The following ADNP variants were observed in gnomAD, a reference collection of about 807,000 sequenced individuals.
ADNP encodes activity-dependent neuroprotector homeobox protein.
Under a neutral mutation model 84.9 loss-of-function variants are expected in ADNP, and 4 were observed. That is an observed-to-expected ratio of 0.05 (90% CI 0.02 to 0.11). The LOEUF is 0.11. Among genes scored for constraint, ADNP ranks in the 10% least tolerant of loss-of-function variants. The probability of loss-of-function intolerance (pLI) is 1.00; values close to 1 mark genes in which losing one functional copy is unlikely to be tolerated. For synonymous variants in ADNP, 554 were observed against 468.1 expected, an observed-to-expected ratio of 1.18 and a Z score of -2.37; for missense variants, 1,132 against 1,326.0, an observed-to-expected ratio of 0.85 and a Z score of 2.27.
intron 2 of ADNP, chr20:50,905,203 G>C (rs1049867114): frequency 1.3e-5 from 2 of 152,172 alleles, no homozygotes; most frequent in Admixed American, 6.5e-5. Context: ...CTGAGAATAT[G>C]TATGGTTTCT....
chr20:50,919,638 A>C (rs1393643835), intron 2 of ADNP, among the ~76,000 whole-genome samples: 3 of 151,790 alleles, frequency 2.0e-5, no homozygotes, highest in South Asian at 2.1e-4. Flanking sequence ...AAATCCTAGG[A>C]GGCTTCATGT....
In ADNP at chr20:50,889,656, CA is replaced by C. The variant is rs1980449434; in HGVS notation, c.*1748del. ...TCAGCCACTTCAGACTTCTTTAGGC[CA>C]CTATCCTTGAGGTGACTGACCAGCC... is the stretch of plus-strand genomic sequence containing the variant. On this transcript the variant is annotated 3_prime_UTR_variant, in exon 6 of 6. Transcript: ENST00000621696. 1 of 384,010 alleles carries C rather than the reference CA, an allele frequency of 2.6e-6. No individual in the cohort carries two copies. Among genetic ancestry groups the C allele is most frequent in the Non-Finnish European group, 4.6e-6 (1 of 217,480 alleles). The allele number at this position is 384,010 out of a possible 1,614,324, so 23.8% of individuals were successfully genotyped here.
At chr20:50,914,116 A>G (rs1475915259) in intron 2 of ADNP, 2 of 763,790 alleles carry the variant, frequency 2.6e-6, no homozygotes, top group Non-Finnish European at 4.7e-6. Flanking sequence ...AGGTGGGGCT[A>G]ATCCAGATGG....
At chr20:50,924,621 T>C (rs1045905479) in intron 2 of ADNP, among the ~76,000 whole-genome samples, 35 of 151,996 alleles carry the variant, frequency 2.3e-4, no homozygotes, top group Admixed American at 6.5e-4. Context: ...GCTTGGAAAA[T>C]AAAACAGACA....
In ADNP at chr20:50,890,835, C is replaced by T; in HGVS notation, c.*570G>A. On this transcript the variant is annotated 3_prime_UTR_variant, in exon 6 of 6. Transcript: ENST00000621696. ...CAGTTTTGAGCTTTTGCTAGGTAAA[C>T]TAGATAGAGCGTTTATTACACAGCA... 1 of 850,228 alleles carries T rather than the reference C, an allele frequency of 1.2e-6. No individual in the cohort carries two copies. Among genetic ancestry groups the T allele is most frequent in the South Asian group, 5.4e-5 (1 of 18,534 alleles). 52.7% of individuals were successfully genotyped at this position (850,228 alleles called of 1,614,324 possible).
intron 2 of ADNP, among the ~76,000 whole-genome samples, chr20:50,917,611 G>A (rs1261541770): frequency 3.9e-5 from 6 of 152,142 alleles, no homozygotes; most frequent in Admixed American, 1.3e-4. Context: ...GAAACTAGAC[G>A]CTTCCTTTTT....
In ADNP at chr20:50,892,494, G is replaced by A; in HGVS notation, c.2220C>T (p.Ser740=). The change falls in exon 6 of 6, where the codon AGC becomes AGT. Residue 740 remains serine (S), a synonymous_variant. Coordinates refer to ENST00000621696, the MANE Select transcript of ADNP (RefSeq NM_001282531.3). ...GCTCTTCAGGCTTCTCTTCAAAGAAGCTGGGTGAATCACTATCATCATCTA... is the reference window on the plus strand; with the variant it reads ...GCTCTTCAGGCTTCTCTTCAAAGAAACTGGGTGAATCACTATCATCATCTA... ...RKLDDDSDSP[S]FFEEKPEEPV... is the part of the protein sequence containing the mutation. 1 of 1,614,214 alleles carries A rather than the reference G, an allele frequency of 6.2e-7. No individual in the cohort carries two copies. The highest frequency in any genetic ancestry group is 8.5e-7 in the Non-Finnish European group (1 of 1,180,048).
At position 50,891,356 on chromosome 20, in the gene ADNP, A is replaced by T. The variant is rs768409843; in HGVS notation, c.*49T>A. The stretch of plus-strand genomic sequence containing the variant: ...AGACAGCTTTGCAGTCACACTGGAT[A>T]TCAGAGTTCCAGGCTGCAGCATGTC... On this transcript the variant is annotated 3_prime_UTR_variant, in exon 6 of 6. Coordinates refer to ENST00000621696, the MANE Select transcript of ADNP (RefSeq NM_001282531.3). 6.6e-7 allele frequency: 1 copy of T among 1,524,546 alleles called. No individual in the cohort carries two copies. Among genetic ancestry groups the T allele is most frequent in the Middle Eastern group, 1.8e-4 (1 of 5,524 alleles). The allele number at this position is 1,524,546 out of a possible 1,614,324, so 94.4% of individuals were successfully genotyped here. A position where few individuals can be genotyped will look rare whatever the true frequency, so the allele number is the denominator to read the frequency against.
chr20:50,917,411 CTAGA>C (rs774249251), intron 2 of ADNP, among the ~76,000 whole-genome samples: 8 of 152,296 alleles, frequency 5.3e-5, no homozygotes, highest in Non-Finnish European at 1.2e-4. Context: ...CCAAGAGTCA[CTAGA>C]TAGTCACATT....
intron 2 of ADNP, among the ~76,000 whole-genome samples, chr20:50,907,008 C>T (rs1301315605): frequency 5.5e-5 from 8 of 144,518 alleles, no homozygotes; most frequent in Non-Finnish European, 4.5e-5. Context: ...CGCTCTGTCA[C>T]CCAGGCTGGA....
Position 50,889,825 on chromosome 20 carries a change from A to G in ADNP, c.*1580T>C, listed in dbSNP as rs183200081. 39 of 398,480 alleles carry G rather than the reference A, an allele frequency of 9.8e-5. No homozygotes were observed. Among genetic ancestry groups the G allele is most frequent in the African/African-American group, 7.4e-4 (36 of 48,722 alleles). 24.7% of individuals were successfully genotyped at this position (398,480 alleles called of 1,614,324 possible). ...AAAAATACCAGCTCCTTCCATCTTTACAGCCCTGTCAGTGCTGTGCTCTTC... is the reference window on the plus strand; with the variant it reads ...AAAAATACCAGCTCCTTCCATCTTTGCAGCCCTGTCAGTGCTGTGCTCTTC... On this transcript the variant is annotated 3_prime_UTR_variant, in exon 6 of 6. Coordinates refer to ENST00000621696, the MANE Select transcript of ADNP (RefSeq NM_001282531.3).
At chr20:50,896,299 T>C (rs1981386623) in intron 5 of ADNP, among the ~76,000 whole-genome samples, 1 of 151,268 alleles carries the variant, frequency 6.6e-6, no homozygotes, top group Non-Finnish European at 1.5e-5. Flanking sequence ...CATATGCCTA[T>C]TCTATAAGCT....
intron 2 of ADNP, among the ~76,000 whole-genome samples, chr20:50,914,794 A>G (rs945679649): frequency 1.3e-5 from 2 of 152,222 alleles, no homozygotes; most frequent in Admixed American, 6.5e-5. Flanking sequence ...TCCTCCATAC[A>G]GTTAAACATC....
rs1352867829 is a variant in ADNP at position 50,928,632 on chromosome 20, C to T, written c.-90+19G>A. ...TCCCTGTTGCTGCAGTTCCCACCCTCCAAAATGAATATACCCACCGGTGTG... is the reference window on the plus strand; with the variant it reads ...TCCCTGTTGCTGCAGTTCCCACCCTTCAAAATGAATATACCCACCGGTGTG... On this transcript the variant is annotated intron_variant, in intron 2 of 5. Coordinates refer to ENST00000621696, the MANE Select transcript of ADNP (RefSeq NM_001282531.3). 6 of 152,102 alleles carry T rather than the reference C, an allele frequency of 3.9e-5. No individual in the cohort carries two copies. Among genetic ancestry groups the T allele is most frequent in the African/African-American group, 1.4e-4 (6 of 41,418 alleles). The allele number at this position is 152,102 out of a possible 1,614,324, so 9.4% of individuals were successfully genotyped here.
At position 50,892,028 on chromosome 20, in the gene ADNP, C is replaced by T; in HGVS notation, c.2686G>A (p.Val896Ile). 6.2e-7 allele frequency: 1 copy of T among 1,614,204 alleles called. No individual in the cohort carries two copies. Among genetic ancestry groups the T allele is most frequent in the Non-Finnish European group, 8.5e-7 (1 of 1,180,038 alleles). The change falls in exon 6 of 6, where the codon GTT becomes ATT. Residue 896 changes from valine (V) to isoleucine (I), a missense_variant. Physicochemically the swap from Val to Ile is conservative, Grantham distance 29. Coordinates refer to ENST00000621696, the MANE Select transcript of ADNP (RefSeq NM_001282531.3). ...SNESGSPFDP[V>I]FEVEPKISND... ...GAGATTTTAGGTTCAACTTCAAAAACAGGGTCAAAAGGGCTACCACTTTCA... is the reference window on the plus strand; with the variant it reads ...GAGATTTTAGGTTCAACTTCAAAAATAGGGTCAAAAGGGCTACCACTTTCA...
chr20:50,890,910 C>A lies in ADNP; in HGVS notation c.*495G>T. The A allele has an allele frequency of 1.0e-6, 1 of 984,300 alleles. No homozygotes were observed. The highest frequency in any genetic ancestry group is 1.2e-6 in the Non-Finnish European group (1 of 828,750). The allele number at this position is 984,300 out of a possible 1,614,324, so 61.0% of individuals were successfully genotyped here. A position where few individuals can be genotyped will look rare whatever the true frequency, so the allele number is the denominator to read the frequency against. ...TATGATGGGCACACAGTAACAGGAT[C>A]ATGAGCATCACTTGAATAGGTCTAA... On this transcript the variant is annotated 3_prime_UTR_variant, in exon 6 of 6. Coordinates refer to ENST00000621696, the MANE Select transcript of ADNP (RefSeq NM_001282531.3).
Position 50,891,722 on chromosome 20 carries a change from C to T in ADNP, c.2992G>A (p.Asp998Asn). 1 of 1,614,200 alleles carries T rather than the reference C, an allele frequency of 6.2e-7. No individual in the cohort carries two copies. The highest frequency in any genetic ancestry group is 8.5e-7 in the Non-Finnish European group (1 of 1,180,038). Reference sequence around the variant, plus strand: ...GCATCTTCGCTTTGGGAAGACTCGTCAGACCAGGTTCCTGGTTTCATTTCG... The same window carrying T: ...GCATCTTCGCTTTGGGAAGACTCGTTAGACCAGGTTCCTGGTTTCATTTCG... ...TCEMKPGTWSDESSQSEDARS... is the reference protein window; with the variant it reads ...TCEMKPGTWSNESSQSEDARS... The change falls in exon 6 of 6, where the codon GAC becomes AAC. Residue 998 changes from aspartate to asparagine, a missense_variant. Transcript: ENST00000621696.
intron 2 of ADNP, among the ~76,000 whole-genome samples, chr20:50,922,648 C>T (rs1240999600): frequency 1.3e-5 from 2 of 149,052 alleles, no homozygotes; most frequent in African/African-American, 2.5e-5. Flanking sequence ...GGTGCAATCT[C>T]GCCTCACTGT....
At chr20:50,898,571 T>A (rs552322511) in intron 5 of ADNP, among the ~76,000 whole-genome samples, 1 of 152,334 alleles carries the variant, frequency 6.6e-6, no homozygotes, top group Non-Finnish European at 1.5e-5. Context: ...TATGGTAAAA[T>A]GGGACAAGCC....
Sources: gnomAD v4.1 joint callset for allele counts (sites outside exome capture counted in the v4.1 genomes callset) on GRCh38, gnomAD v4.1.1 for gene constraint, MANE v1.5 for transcripts, NCBI Gene and HGNC (gene_info 2026-07-23, HGNC 2026-07-21) for gene names.